UTS2: variants seen among roughly 807,000 people sequenced by gnomAD.
UTS2 encodes urotensin 2.
Under a neutral mutation model 12.6 loss-of-function variants are expected in UTS2, and 10 were observed. The observed-to-expected ratio is 0.80, with a 90% CI of 0.49 to 1.35. The LOEUF (loss-of-function observed/expected upper bound fraction) is 1.35, where lower values mean the gene tolerates loss of function less well. Among genes scored for constraint, UTS2 ranks in the 40% most tolerant of loss-of-function variants. The pLI is 0.00. For synonymous variants in UTS2, 52 were observed against 50.0 expected (o/e 1.04, Z -0.17); for missense variants, 142 against 143.2 (o/e 0.99, Z 0.04).
the UTS2 span, among the ~76,000 whole-genome samples, chr1:7,862,901 C>T: frequency 1.3e-5 from 2 of 152,122 alleles, no homozygotes; most frequent in African/African-American, 4.8e-5. Context: ...GTAGCTACCA[C>T]GTTCACCTCC....
At chr1:7,862,978 T>TATTGTATTG in the UTS2 span, among the ~76,000 whole-genome samples, 2 of 52,116 alleles carry the variant, frequency 3.8e-5, no homozygotes, top group African/African-American at 1.9e-4. Flanking sequence ...CGGCCGTTAT[T>TATTGTATTG]TATTGTGTTG....
chr1:7,859,582 G>A, the UTS2 span, among the ~76,000 whole-genome samples: 1 of 152,206 alleles, frequency 6.6e-6, no homozygotes. Flanking sequence ...GGGGTCAGAT[G>A]AGGGATCAGC....
the UTS2 span, among the ~76,000 whole-genome samples, chr1:7,880,790 C>T: frequency 3.3e-5 from 5 of 152,208 alleles, no homozygotes; most frequent in Non-Finnish European, 1.5e-5. Context: ...CTTCCAAACT[C>T]ATTTCACAAG....
At chr1:7,885,130 T>TCATCCATCCATCCATCCATC in the UTS2 span, among the ~76,000 whole-genome samples, 1 of 150,210 alleles carries the variant, frequency 6.7e-6, no homozygotes, top group Admixed American at 6.6e-5. Context: ...CACCCACCTA[T>TCATCCATCCATCCATCCATC]CATCCATCCA....
At chr1:7,847,907 AC>A (rs781256996) in intron 3 of UTS2, 25 bp from the exon 4 acceptor site, 3 of 1,508,758 alleles carry the variant, frequency 2.0e-6, no homozygotes, top group African/African-American at 1.4e-5. Context: ...ACGAACAACA[AC>A]AACAAAAAAA....
chr1:7,860,905 G>C, the UTS2 span, among the ~76,000 whole-genome samples: 5 of 151,880 alleles, frequency 3.3e-5, no homozygotes, highest in African/African-American at 9.7e-5. Context: ...AGCTGGGCAT[G>C]GTGGTGGACA....
chr1:7,895,367 C>CT, the UTS2 span, among the ~76,000 whole-genome samples: 7,201 of 144,854 alleles, frequency 0.05, 566 homozygotes, highest in African/African-American at 0.17. Flanking sequence ...GAGACTCCAT[C>CT]CCAAAAAAAT....
chr1:7,883,626 A>G, the UTS2 span, among the ~76,000 whole-genome samples: 1 of 152,216 alleles, frequency 6.6e-6, no homozygotes, highest in Non-Finnish European at 1.5e-5. Context: ...TATTATATGC[A>G]TGTATCAAAA....
At chr1:7,894,858 G>A in the UTS2 span, among the ~76,000 whole-genome samples, 8 of 151,934 alleles carry the variant, frequency 5.3e-5, no homozygotes, top group Non-Finnish European at 8.8e-5. Context: ...ACAAGTCCAG[G>A]AGTTCTAGGC....
chr1:7,849,525 T>G, intron 3 of UTS2, 115 bp downstream of exon 3: 5 of 978,446 alleles, frequency 5.1e-6, no homozygotes, highest in Non-Finnish European at 7.5e-6. Flanking sequence ...TGGCCAATTA[T>G]TTTAAGGTGT....
the UTS2 span, among the ~76,000 whole-genome samples, chr1:7,868,625 T>C: frequency 2.1e-4 from 32 of 152,368 alleles, no homozygotes; most frequent in South Asian, 2.1e-4. Flanking sequence ...TCGCCCTGTG[T>C]GGCAGTGAGC....
At chr1:7,861,185 C>G in the UTS2 span, among the ~76,000 whole-genome samples, 1 of 152,070 alleles carries the variant, frequency 6.6e-6, no homozygotes, top group African/African-American at 2.4e-5. Flanking sequence ...GAGTTTTGGG[C>G]CTGAGAACCT....
the UTS2 span, among the ~76,000 whole-genome samples, chr1:7,869,953 A>G: frequency 3.9e-5 from 6 of 152,216 alleles, no homozygotes; most frequent in Non-Finnish European, 8.8e-5. Context: ...GTGAAGTTAA[A>G]TGGAAATGAA....
chr1:7,867,934 C>T, the UTS2 span, among the ~76,000 whole-genome samples: 1 of 152,038 alleles, frequency 6.6e-6, no homozygotes, highest in Non-Finnish European at 1.5e-5. Context: ...TTTAAGCTCC[C>T]CCAGTCTGTG....
At chr1:7,850,154 G>A (rs970496276) in intron 2 of UTS2, among the ~76,000 whole-genome samples, 2 of 151,862 alleles carry the variant, frequency 1.3e-5, no homozygotes, top group South Asian at 2.1e-4. Context: ...ATTTTTAGTC[G>A]AGATGGGTTT....
the UTS2 span, among the ~76,000 whole-genome samples, chr1:7,867,142 T>C: frequency 6.6e-6 from 1 of 152,144 alleles, no homozygotes; most frequent in Non-Finnish European, 1.5e-5. Flanking sequence ...AGTGCTGAGA[T>C]TACAGGTGTG....
the UTS2 span, among the ~76,000 whole-genome samples, chr1:7,863,941 C>G: frequency 6.6e-6 from 1 of 152,218 alleles, no homozygotes; most frequent in East Asian, 1.9e-4. Context: ...CGGGGCCTCC[C>G]TCTCCACGTG....
intron 1 of UTS2, among the ~76,000 whole-genome samples, chr1:7,852,036 G>A (rs566615248): frequency 7.2e-5 from 11 of 152,058 alleles, no homozygotes; most frequent in African/African-American, 2.2e-4. Context: ...TCGGTGACTC[G>A]GGAAGTTGGT....
At chr1:7,911,027 T>C in the UTS2 span, among the ~76,000 whole-genome samples, 1 of 148,374 alleles carries the variant, frequency 6.7e-6, no homozygotes, top group Non-Finnish European at 1.5e-5. Context: ...CGTGACTGCC[T>C]CTACAGAATG....
Sources: allele counts gnomAD v4.1 joint callset (sites outside exome capture counted in the v4.1 genomes callset), GRCh38; gene constraint gnomAD v4.1.1; transcripts MANE v1.5; gene names NCBI Gene and HGNC (gene_info 2026-07-23, HGNC 2026-07-21).